The following SPTB variants were observed in gnomAD, a reference collection of about 807,000 sequenced individuals.
SPTB encodes spectrin beta chain, erythrocytic.
A neutral mutation model predicts 256.2 loss-of-function variants in SPTB; 45 were observed. That is an observed-to-expected ratio of 0.18 (90% CI 0.14 to 0.23). The LOEUF is 0.23. Among genes scored for constraint, SPTB ranks in the 10% least tolerant of loss-of-function variants. The pLI, the probability that SPTB is intolerant of heterozygous loss-of-function variation, is 1.00. For synonymous variants in SPTB, 1,231 were observed against 1,243.1 expected, an observed-to-expected ratio of 0.99 and a Z score of 0.21; for missense variants, 2,715 against 3,040.4, an observed-to-expected ratio of 0.89 and a Z score of 2.52.
intron 1 of SPTB, among the ~76,000 whole-genome samples, chr14:64,850,051 G>A (rs961319947): frequency 6.6e-6 from 1 of 152,172 alleles, no homozygotes; most frequent in African/African-American, 2.4e-5. Flanking sequence ...CATTTTTAAG[G>A]ACTGTAAAAC....
In SPTB at chr14:64,771,069, C is replaced by T. The variant is rs775750950; in HGVS notation, c.5614G>A (p.Glu1872Lys). The T allele has an allele frequency of 1.1e-5, 18 of 1,614,192 alleles. No individual in the cohort carries two copies. In the South Asian group the frequency reaches 2.0e-4, roughly 18 times the overall value. The change falls in exon 27 of 36, where the codon GAG (glutamate) becomes AAG (lysine). Residue 1872 changes from glutamate to lysine, a missense_variant. By Grantham distance (56) the Glu-to-Lys change is moderately conservative. Coordinates refer to ENST00000644917, the MANE Select transcript of SPTB (RefSeq NM_001355436.2). ...LQTAYAGEKA[E>K]AIQNKEQEVS... ...TCCTGCTCCTTGTTCTGGATGGCCTCTGCCTTCTCCCCAGCATATGCTGTC... is the reference window on the plus strand; with the variant it reads ...TCCTGCTCCTTGTTCTGGATGGCCTTTGCCTTCTCCCCAGCATATGCTGTC...
intron 1 of SPTB, among the ~76,000 whole-genome samples, chr14:64,830,024 G>A (rs889652200): frequency 6.6e-6 from 1 of 152,178 alleles, no homozygotes; most frequent in African/African-American, 2.4e-5. Flanking sequence ...CTTCTCAGAT[G>A]TCGCTTCCTT....
rs371896159 is a variant in SPTB, at chr14:64,872,860, G to A, written c.-52+6932C>T. 1.8e-4 allele frequency among the ~76,000 whole-genome samples: 27 copies of A among 152,284 alleles called. No homozygotes were observed. The South Asian group carries it at 4.8e-3, about 27-fold the overall frequency. On this transcript the variant is annotated intron_variant, in intron 1 of 35. Transcript: ENST00000644917. ...TAAAGGGCAGTTCCCCTGAACATGC[G>A]CCTGCCACCATGTATGACATGCCTT...
At position 64,753,599 on chromosome 14, in the gene SPTB, C is replaced by G. The variant is rs769241247; in HGVS notation, c.6540G>C (p.Gln2180His). The change falls in exon 33 of 36, where the codon CAG (glutamine) becomes CAC (histidine). Residue 2180 changes from glutamine to histidine, a missense_variant. Gln to His is a conservative substitution (Grantham distance 24). Coordinates refer to ENST00000644917, the MANE Select transcript of SPTB (RefSeq NM_001355436.2). Reference sequence around the variant, plus strand: ...GCTTGCGGCCCAGGTAGCCTTCCATCTGCACACTCTGCCCATGGTCCCGCG... The same window carrying G: ...GCTTGCGGCCCAGGTAGCCTTCCATGTGCACACTCTGCCCATGGTCCCGCG... Reference protein sequence around the residue: ...PAPRDHGQSVQMEGYLGRKHD... With the variant: ...PAPRDHGQSVHMEGYLGRKHD... 13 of 1,613,562 alleles carry G rather than the reference C, an allele frequency of 8.1e-6. No individual in the cohort carries two copies. Among genetic ancestry groups the G allele is most frequent in the Non-Finnish European group, 1.1e-5 (13 of 1,180,050 alleles).
intron 32 of SPTB, among the ~76,000 whole-genome samples, chr14:64,765,221 C>A (rs555703380): frequency 2.8e-4 from 42 of 152,260 alleles, no homozygotes; most frequent in Admixed American, 1.2e-3. Context: ...CAGGTTCAGG[C>A]GGGCTCACGG....
At chr14:64,765,023 T>G (rs1485018485) in intron 32 of SPTB, among the ~76,000 whole-genome samples, 1 of 108,342 alleles carries the variant, frequency 9.2e-6, no homozygotes, top group Non-Finnish European at 1.7e-5. Context: ...GAGGAGTGTG[T>G]GCGTGTGTGT....
In SPTB at chr14:64,784,129, G is replaced by A. The variant is rs746357657; in HGVS notation, c.4002+118C>T. 577 of 1,481,330 alleles carry A rather than the reference G, an allele frequency of 3.9e-4. 3 individuals carry two copies. The highest frequency in any genetic ancestry group is 4.8e-4 in the Non-Finnish European group (524 of 1,081,948). 91.8% of individuals were successfully genotyped at this position (1,481,330 alleles called of 1,614,324 possible). ...TAGCTACTATTTAGAAAAGTTGTTC[G>A]CTGCCACGTTCTGTACTGTCAGCAA... On this transcript the variant is annotated intron_variant, in intron 19 of 35. Coordinates refer to ENST00000644917, the MANE Select transcript of SPTB (RefSeq NM_001355436.2).
In SPTB at chr14:64,853,909, T is replaced by C. The variant is rs903366241; in HGVS notation, c.-52+25883A>G. On this transcript the variant is annotated intron_variant, in intron 1 of 35. Coordinates refer to ENST00000644917, the MANE Select transcript of SPTB (RefSeq NM_001355436.2). This position sits in a 1 kb window ranked among gnomAD's most constrained non-coding sequence, Gnocchi z 4.3. ...AAAAATTTTTTTAGATACTTATCAC[T>C]GGCCAGCCGCGGTGGCTCACGCCTG... 3.3e-5 allele frequency among the ~76,000 whole-genome samples: 5 copies of C among 152,186 alleles called. No individual in the cohort carries two copies. The highest frequency in any genetic ancestry group is 1.3e-4 in the Admixed American group (2 of 15,284).
In SPTB at chr14:64,795,710, G is replaced by A; in HGVS notation, c.1342-71C>T. 2 of 1,504,040 alleles carry A rather than the reference G, an allele frequency of 1.3e-6. No individual in the cohort carries two copies. The highest frequency in any genetic ancestry group is 1.8e-6 in the Non-Finnish European group (2 of 1,086,524). The allele number at this position is 1,504,040 out of a possible 1,614,324, so 93.2% of individuals were successfully genotyped here. A position where few individuals can be genotyped will look rare whatever the true frequency, so the allele number is the denominator to read the frequency against. ...GGCTCATCCCCAAACTCAGGGACAG[G>A]GCAGCTCCCTTCAGAACCAGTGCTA... On this transcript the variant is annotated intron_variant, in intron 11 of 35. Transcript: ENST00000644917. The surrounding 1 kb of genome is among the most constrained non-coding windows in gnomAD (Gnocchi z 6.5).
In SPTB at chr14:64,807,532, T is replaced by C. The variant is rs2269296; in HGVS notation, c.149-2442A>G. On this transcript the variant is annotated intron_variant, in intron 2 of 35. Transcript: ENST00000644917. The surrounding 1 kb of genome is among the most constrained non-coding windows in gnomAD (Gnocchi z 4.7). ...GCTGCCTTTTATTTGAAGGCTGGAG[T>C]GAAATCACCCAGAATCCCCAGAGCC... 0.37 allele frequency among the ~76,000 whole-genome samples: 55,486 copies of C among 151,926 alleles called. 10,277 individuals are homozygous for C. The highest frequency in any genetic ancestry group is 0.49 in the South Asian group (2,337 of 4,812).
chr14:64,793,108 G>A lies in SPTB; in HGVS notation c.2555C>T (p.Thr852Met), dbSNP rs753867736. The stretch of plus-strand genomic sequence containing the variant: ...ACAGGCGTCTGTCTCCCCGAACACC[G>A]TGTACAGGTCCAGGGCTTCCTGCAG... ...QRLQEALDLYTVFGETDACEL... is the reference protein window; with the variant it reads ...QRLQEALDLYMVFGETDACEL... The change falls in exon 14 of 36, where the codon ACG becomes ATG. Residue 852 changes from threonine (T) to methionine (M), a missense_variant. Physicochemically the swap from Thr to Met is moderately conservative, Grantham distance 81. Coordinates refer to ENST00000644917, the MANE Select transcript of SPTB (RefSeq NM_001355436.2). The surrounding 1 kb of genome is among the most constrained non-coding windows in gnomAD (Gnocchi z 7.0). 1.9e-5 allele frequency: 31 copies of A among 1,613,988 alleles called. No individual in the cohort carries two copies. Among genetic ancestry groups the A allele is most frequent in the African/African-American group, 1.5e-4 (11 of 74,930 alleles).
rs148132963 is a variant in SPTB, at chr14:64,753,905, C to T, written c.6346-112G>A. 9.6e-5 allele frequency: 138 copies of T among 1,439,664 alleles called. 1 individual carries two copies. In the East Asian group the frequency reaches 3.3e-3, roughly 34 times the overall value. The allele number at this position is 1,439,664 out of a possible 1,614,324, so 89.2% of individuals were successfully genotyped here. ...CACCCTCTCCACACCCCCAAGCCTA[C>T]TTCCTTTCTACTCCCACCTCCTGGC... On this transcript the variant is annotated intron_variant, in intron 32 of 35. Coordinates refer to ENST00000644917, the MANE Select transcript of SPTB (RefSeq NM_001355436.2).
rs558764444 is a variant in SPTB, at chr14:64,796,933, C to T, written c.1183-218G>A. Among the ~76,000 whole-genome samples, 97 of 152,248 alleles carry T rather than the reference C, an allele frequency of 6.4e-4. No individual in the cohort carries two copies. Among genetic ancestry groups the T allele is most frequent in the Admixed American group, 1.7e-3 (26 of 15,302 alleles). On this transcript the variant is annotated intron_variant, in intron 10 of 35. Coordinates refer to ENST00000644917, the MANE Select transcript of SPTB (RefSeq NM_001355436.2). This position sits in a 1 kb window ranked among gnomAD's most constrained non-coding sequence, Gnocchi z 4.1. The stretch of plus-strand genomic sequence containing the variant: ...AGGGCACTGCTCATGAGTCTCACTT[C>T]CCTCTTCCCCTAAACCTGCCTCAGA...
rs1191941449 is a variant in SPTB, at chr14:64,753,530, C to T, written c.6602+7G>A. ...TACCCTCAGCCAGCAGCCTCTCCCG[C>T]ACTCACCTGTTGGAAGCCTTCTTGT... On this transcript the variant is annotated splice_region_variant and intron_variant, in intron 33 of 35. Transcript: ENST00000644917. 9.3e-6 allele frequency: 15 copies of T among 1,613,296 alleles called. No individual in the cohort carries two copies. Among genetic ancestry groups the T allele is most frequent in the African/African-American group, 1.3e-5 (1 of 74,912 alleles).
At chr14:64,822,401 C>CACACACACACACACAG (rs1555374137) in intron 2 of SPTB, among the ~76,000 whole-genome samples, 2 of 136,638 alleles carry the variant, frequency 1.5e-5, no homozygotes, top group Admixed American at 7.1e-5. Flanking sequence ...CACACACACA[C>CACACACACACACACAG]AGAGAGATCT....
intron 32 of SPTB, chr14:64,755,996 C>T (rs1179941400): frequency 1.3e-5 from 2 of 152,206 alleles, no homozygotes; most frequent in Non-Finnish European, 2.9e-5. Flanking sequence ...GAGAGTCCCA[C>T]AAACCTGGGG....
chr14:64,799,341 A>G (rs2082837167), intron 9 of SPTB, among the ~76,000 whole-genome samples: 2 of 152,236 alleles, frequency 1.3e-5, no homozygotes, highest in South Asian at 4.1e-4. Flanking sequence ...TGAACTTGAC[A>G]ATCCATAAGG....
chr14:64,778,290 G>A lies in SPTB; in HGVS notation c.4563+867C>T, dbSNP rs555388648. Among the ~76,000 whole-genome samples the A allele has an allele frequency of 6.6e-6, 1 of 152,304 alleles. No homozygotes were observed. The highest frequency in any genetic ancestry group is 1.5e-5 in the Non-Finnish European group (1 of 68,022). On this transcript the variant is annotated intron_variant, in intron 22 of 35. Transcript: ENST00000644917. The surrounding 1 kb of genome is among the most constrained non-coding windows in gnomAD (Gnocchi z 5.2). The stretch of plus-strand genomic sequence containing the variant: ...TCAGCTGCTGCCAAGCTGGGGGAAG[G>A]GAGTGCTGTCTGCCATGACCTTCCT...
chr14:64,754,783 A>T (rs1196816279), intron 32 of SPTB: 2 of 152,282 alleles, frequency 1.3e-5, no homozygotes, highest in Admixed American at 6.5e-5. Flanking sequence ...CTGGCTGGGC[A>T]TCTCCTTATG....
Sources: allele counts gnomAD v4.1 joint callset (sites outside exome capture counted in the v4.1 genomes callset), GRCh38; gene constraint gnomAD v4.1.1; non-coding constraint Gnocchi (gnomAD v3.1); transcripts MANE v1.5; gene names NCBI Gene and HGNC (gene_info 2026-07-23, HGNC 2026-07-21).